The following TNFRSF19 variants were observed in gnomAD, a reference collection of about 807,000 sequenced individuals.
TNFRSF19 encodes TNF receptor superfamily member 19.
Under a neutral mutation model 46.4 loss-of-function variants are expected in TNFRSF19, and 27 were observed. That is an observed-to-expected ratio of 0.58 (90% CI 0.43 to 0.80). The LOEUF (loss-of-function observed/expected upper bound fraction) is 0.80, where lower values mean the gene tolerates loss of function less well. Ranked by LOEUF, TNFRSF19 falls within the 30% of genes least tolerant of loss-of-function variation. TNFRSF19 has a pLI of 0.00. For missense variants in TNFRSF19, 511 were observed against 530.8 expected (o/e 0.96, Z 0.37); for synonymous variants, 204 against 205.0 (o/e 1.00, Z 0.04).
intron 1 of TNFRSF19, among the ~76,000 whole-genome samples, chr13:23,587,404 G>A (rs1878922998): frequency 6.6e-6 from 1 of 152,224 alleles, no homozygotes; most frequent in South Asian, 2.1e-4. Context: ...TATGTCAAAA[G>A]GTGTTTTGGA....
At chr13:23,586,778 G>A (rs1426264631) in intron 1 of TNFRSF19, among the ~76,000 whole-genome samples, 1 of 152,132 alleles carries the variant, frequency 6.6e-6, no homozygotes, top group African/African-American at 2.4e-5. Context: ...ATGTTTCCCC[G>A]CTCTGCACTT....
At chr13:23,629,042 A>C (rs1882183175) in intron 5 of TNFRSF19, among the ~76,000 whole-genome samples, 1 of 151,442 alleles carries the variant, frequency 6.6e-6, no homozygotes, top group Non-Finnish European at 1.5e-5. Context: ...TCTTTTGGGA[A>C]AATTTTGTAA....
At chr13:23,586,190 G>A (rs892192548) in intron 1 of TNFRSF19, among the ~76,000 whole-genome samples, 4 of 149,248 alleles carry the variant, frequency 2.7e-5, no homozygotes, top group South Asian at 2.1e-4. Flanking sequence ...CCTGGGAGGC[G>A]GAGCTTGCAG....
chr13:23,663,374 C>A (rs1054301675), intron 7 of TNFRSF19, among the ~76,000 whole-genome samples: 1 of 152,112 alleles, frequency 6.6e-6, no homozygotes. Context: ...CCTGCTTGAT[C>A]GTGGTGGATT....
Position 23,644,606 on chromosome 13 carries a change from C to T in TNFRSF19, c.446-14444C>T, listed in dbSNP as rs1291739051. On this transcript the variant is annotated intron_variant, in intron 5 of 9. Coordinates refer to ENST00000248484, the MANE Select transcript of TNFRSF19 (RefSeq NM_148957.4). ...TTAGCATCATGAGAACAGACTAATA[C>T]ACAGTTCAAAAAAGAAAAGCAGTGA... Among the ~76,000 whole-genome samples, 3 of 152,162 alleles carry T rather than the reference C, an allele frequency of 2.0e-5. No individual in the cohort carries two copies. In the East Asian group the frequency reaches 5.8e-4, roughly 29 times the overall value.
intron 1 of TNFRSF19, 24 bp from the exon 2 acceptor site, chr13:23,590,126 T>G: frequency 1.7e-6 from 2 of 1,195,440 alleles, no homozygotes; most frequent in Non-Finnish European, 2.4e-6. Context: ...TAATATTAAC[T>G]GCATCTTCCT....
chr13:23,572,078 T>C (rs909035525), intron 1 of TNFRSF19, among the ~76,000 whole-genome samples: 1 of 152,122 alleles, frequency 6.6e-6, no homozygotes, highest in Admixed American at 6.5e-5. Context: ...TTAATTAAAT[T>C]ACTTTCTACA....
chr13:23,611,164 C>T (rs1255215490), intron 3 of TNFRSF19, among the ~76,000 whole-genome samples: 2 of 151,322 alleles, frequency 1.3e-5, no homozygotes. Flanking sequence ...CTTCTCTTGC[C>T]ATGATGGGAG....
chr13:23,595,076 G>A (rs1328100531), intron 3 of TNFRSF19, among the ~76,000 whole-genome samples: 1 of 152,072 alleles, frequency 6.6e-6, no homozygotes, highest in African/African-American at 2.4e-5. Context: ...CAACAAAAAG[G>A]GCATCTACAC....
intron 5 of TNFRSF19, among the ~76,000 whole-genome samples, chr13:23,647,292 C>T (rs756587036): frequency 5.3e-5 from 8 of 152,108 alleles, no homozygotes; most frequent in East Asian, 1.9e-4. Flanking sequence ...TTATAAAGTC[C>T]GATGTATCTA....
In TNFRSF19 at chr13:23,620,972, T is replaced by A. The variant is rs554654757; in HGVS notation, c.359+4927T>A. Among the ~76,000 whole-genome samples the A allele has an allele frequency of 3.2e-4, 49 of 152,316 alleles. No homozygotes were observed. In the South Asian group the frequency reaches 3.9e-3, roughly 12 times the overall value. ...CTGGTTCTCAGAGTGGATAAATGAC[T>A]TCCCAGAATCACCCAGCTTGTAAAT... On this transcript the variant is annotated intron_variant, in intron 4 of 9. Coordinates refer to ENST00000248484, the MANE Select transcript of TNFRSF19 (RefSeq NM_148957.4).
At chr13:23,634,622 T>G (rs1338408431) in intron 5 of TNFRSF19, among the ~76,000 whole-genome samples, 6 of 152,246 alleles carry the variant, frequency 3.9e-5, no homozygotes, top group Admixed American at 3.9e-4. Context: ...GTGATTTGTG[T>G]GTGTCCCCAT....
chr13:23,635,735 T>G lies in TNFRSF19; in HGVS notation c.445+8943T>G, dbSNP rs554682790. On this transcript the variant is annotated intron_variant, in intron 5 of 9. Transcript: ENST00000248484. ...TTTCGATTATCTCAGAGAAAATATT[T>G]TAAGTATTCATGAGAGTTTTATCTA... Among the ~76,000 whole-genome samples the G allele has an allele frequency of 6.6e-4, 100 of 152,352 alleles. 2 individuals carry two copies. The South Asian group carries it at 0.018, about 28-fold the overall frequency.
chr13:23,669,639 C>A (rs1951722458), intron 9 of TNFRSF19: 1 of 985,062 alleles, frequency 1.0e-6, no homozygotes, highest in South Asian at 4.7e-5. Context: ...GACCTGAGAC[C>A]AGGTCATAAG....
At chr13:23,592,813 C>T (rs926083903) in intron 2 of TNFRSF19, among the ~76,000 whole-genome samples, 32 of 152,308 alleles carry the variant, frequency 2.1e-4, no homozygotes, top group East Asian at 1.5e-3. Flanking sequence ...TAAGTCTAAA[C>T]GATAATTGCG....
chr13:23,623,037 A>G (rs1881774029), intron 4 of TNFRSF19, among the ~76,000 whole-genome samples: 1 of 152,160 alleles, frequency 6.6e-6, no homozygotes, highest in East Asian at 1.9e-4. Flanking sequence ...GTATATTCAC[A>G]TTGTTGTGAA....
intron 5 of TNFRSF19, among the ~76,000 whole-genome samples, chr13:23,653,042 G>A (rs1883744951): frequency 6.6e-6 from 1 of 152,182 alleles, no homozygotes; most frequent in East Asian, 1.9e-4. Context: ...TAGCAGTTCA[G>A]CCTGGGAAAG....
intron 1 of TNFRSF19, among the ~76,000 whole-genome samples, chr13:23,586,492 G>A (rs1244895012): frequency 6.6e-6 from 1 of 152,162 alleles, no homozygotes; most frequent in African/African-American, 2.4e-5. Context: ...AGCAGTCACT[G>A]TGGTTTGAGA....
At chr13:23,608,740 A>G (rs181163380) in intron 3 of TNFRSF19, among the ~76,000 whole-genome samples, 2 of 152,302 alleles carry the variant, frequency 1.3e-5, no homozygotes, top group Admixed American at 1.3e-4. Flanking sequence ...GGGTCTGGCT[A>G]TTGTATTGGA....
Sources: gnomAD v4.1 joint callset for allele counts (sites outside exome capture counted in the v4.1 genomes callset) on GRCh38, gnomAD v4.1.1 for gene constraint, MANE v1.5 for transcripts, NCBI Gene and HGNC (gene_info 2026-07-23, HGNC 2026-07-21) for gene names.